Variants in PTPRD observed in about 807,000 individuals in gnomAD.
PTPRD encodes protein tyrosine phosphatase receptor type D, also known as receptor-type tyrosine-protein phosphatase delta.
Under a neutral mutation model 214.5 loss-of-function variants are expected in PTPRD, and 34 were observed. The observed-to-expected ratio is 0.16, with a 90% CI of 0.12 to 0.21. The LOEUF (loss-of-function observed/expected upper bound fraction) is 0.21. PTPRD is among the 10% of genes least tolerant of loss of function. The pLI is 1.00. For missense variants in PTPRD, 2,545 were observed against 2,398.7 expected (o/e 1.06, Z -1.27); for synonymous variants, 1,128 against 845.7 (o/e 1.33, Z -5.79).
rs1358053313 is a variant in PTPRD at position 10,024,976 on chromosome 9, A to C, written c.-472+8742T>G. Reference sequence around the variant, plus strand: ...GACATGAACTCATCATTTTTTATGGATGCATAGTATTCCATGGTGTATATG... The same window carrying C: ...GACATGAACTCATCATTTTTTATGGCTGCATAGTATTCCATGGTGTATATG... On this transcript the variant is annotated intron_variant, in intron 4 of 45. Transcript: ENST00000381196. Among the ~76,000 whole-genome samples, 21 of 151,590 alleles carry C rather than the reference A, an allele frequency of 1.4e-4. No homozygotes were observed. The East Asian group carries it at 1.6e-3, about 11-fold the overall frequency.
chr9:9,878,030 G>A (rs1187774150), intron 5 of PTPRD, among the ~76,000 whole-genome samples: 1 of 149,232 alleles, frequency 6.7e-6, no homozygotes, highest in Non-Finnish European at 1.5e-5. Flanking sequence ...TCCATCGGTT[G>A]CCCCTCTAAA....
intron 14 of PTPRD, among the ~76,000 whole-genome samples, chr9:8,569,510 C>A (rs1295116823): frequency 1.3e-5 from 2 of 152,082 alleles, no homozygotes; most frequent in African/African-American, 2.4e-5. Flanking sequence ...AAAAATTGGG[C>A]CTTCCAATTA....
chr9:8,887,912 A>T (rs1171519383), intron 11 of PTPRD, among the ~76,000 whole-genome samples: 1 of 152,144 alleles, frequency 6.6e-6, no homozygotes, highest in Non-Finnish European at 1.5e-5. Context: ...ACTGGAACTT[A>T]CAGGAAGAAC....
chr9:8,423,788 T>G (rs1439014019), intron 35 of PTPRD, among the ~76,000 whole-genome samples: 4 of 152,046 alleles, frequency 2.6e-5, no homozygotes, highest in African/African-American at 9.7e-5. Context: ...TAAGGCTGAG[T>G]CTTTACACCT....
chr9:9,722,318 A>C (rs2097967291), intron 7 of PTPRD, among the ~76,000 whole-genome samples: 2 of 152,178 alleles, frequency 1.3e-5, no homozygotes, highest in South Asian at 4.2e-4. Context: ...ATAATAATAA[A>C]ATATGTGGTC....
At chr9:9,967,032 G>A (rs1425477125) in intron 4 of PTPRD, among the ~76,000 whole-genome samples, 4 of 152,120 alleles carry the variant, frequency 2.6e-5, no homozygotes, top group Admixed American at 6.6e-5. Flanking sequence ...AGCAATGACA[G>A]GATCTGACCT....
chr9:9,039,367 A>G (rs2099632145), intron 10 of PTPRD, among the ~76,000 whole-genome samples: 1 of 152,166 alleles, frequency 6.6e-6, no homozygotes, highest in African/African-American at 2.4e-5. Flanking sequence ...CCATCTGCAG[A>G]TCTAATTCTG....
chr9:9,813,441 T>C (rs2047781258), intron 5 of PTPRD, among the ~76,000 whole-genome samples: 1 of 151,186 alleles, frequency 6.6e-6, no homozygotes, highest in East Asian at 2.0e-4. Flanking sequence ...AAAGAGAAGA[T>C]CTAAGAACTT....
chr9:8,736,553 A>G (rs2090448338), intron 11 of PTPRD, among the ~76,000 whole-genome samples: 1 of 152,236 alleles, frequency 6.6e-6, no homozygotes, highest in East Asian at 1.9e-4. Flanking sequence ...ATACCATAGT[A>G]TGTCATTTCT....
At chr9:8,844,763 G>T (rs957376572) in intron 11 of PTPRD, among the ~76,000 whole-genome samples, 1 of 152,158 alleles carries the variant, frequency 6.6e-6, no homozygotes, top group Non-Finnish European at 1.5e-5. Context: ...GAAATTACAT[G>T]AGCTCAATTA....
At chr9:9,384,358 T>G (rs1238376565) in intron 9 of PTPRD, among the ~76,000 whole-genome samples, 16 of 59,696 alleles carry the variant, frequency 2.7e-4, no homozygotes, top group African/African-American at 1.2e-3. Context: ...TTTTTTTTTT[T>G]TTTTTTTTTT....
intron 11 of PTPRD, among the ~76,000 whole-genome samples, chr9:8,745,362 G>A (rs2092675523): frequency 6.6e-6 from 1 of 152,120 alleles, no homozygotes; most frequent in Non-Finnish European, 1.5e-5. Flanking sequence ...ATTCCAAAGT[G>A]ATCAACATAA....
chr9:10,270,949 G>A (rs927921987), intron 3 of PTPRD, among the ~76,000 whole-genome samples: 1 of 151,904 alleles, frequency 6.6e-6, no homozygotes, highest in East Asian at 1.9e-4. Flanking sequence ...TCCTTCCTCA[G>A]CCTCCCAGGA....
intron 2 of PTPRD, among the ~76,000 whole-genome samples, chr9:10,355,784 A>G (rs2097266431): frequency 1.3e-5 from 2 of 152,032 alleles, no homozygotes; most frequent in Admixed American, 6.6e-5. Flanking sequence ...GGCCGCTGCT[A>G]TATTTCAATC....
At position 9,117,997 on chromosome 9, in the gene PTPRD, G is replaced by A. The variant is rs1435937961; in HGVS notation, c.-143+65307C>T. ...ATTACAACTATAAATTTAACTACAC[G>A]TTCTTAGACAGGGACATGCAAGTGA... On this transcript the variant is annotated intron_variant, in intron 10 of 45. Coordinates refer to ENST00000381196, the MANE Select transcript of PTPRD (RefSeq NM_002839.4). Among the ~76,000 whole-genome samples the A allele has an allele frequency of 2.6e-5, 4 of 152,142 alleles. No homozygotes were observed. The South Asian group carries it at 6.2e-4, about 24-fold the overall frequency.
intron 2 of PTPRD, among the ~76,000 whole-genome samples, chr9:10,468,415 C>T (rs2099008506): frequency 1.3e-5 from 2 of 152,080 alleles, no homozygotes; most frequent in South Asian, 2.1e-4. Context: ...AAACCAAACA[C>T]CATATGTTCT....
intron 8 of PTPRD, chr9:9,441,949 A>G (rs1432665147): frequency 6.6e-6 from 1 of 152,250 alleles, no homozygotes; most frequent in African/African-American, 2.4e-5. Flanking sequence ...TACTATTCCC[A>G]AAATAAGTAA....
At chr9:9,531,174 A>G (rs1334019424) in intron 8 of PTPRD, among the ~76,000 whole-genome samples, 1 of 152,122 alleles carries the variant, frequency 6.6e-6, no homozygotes, top group African/African-American at 2.4e-5. Context: ...TAAATTACAT[A>G]TCAATTTTAA....
chr9:10,113,638 C>A (rs1362514897), intron 3 of PTPRD, among the ~76,000 whole-genome samples: 1 of 152,170 alleles, frequency 6.6e-6, no homozygotes, highest in Non-Finnish European at 1.5e-5. Context: ...AGCAAAGCGA[C>A]TGTTTACAAG....
Sources: allele counts gnomAD v4.1 joint callset (sites outside exome capture counted in the v4.1 genomes callset), GRCh38; gene constraint gnomAD v4.1.1; transcripts MANE v1.5; gene names NCBI Gene and HGNC (gene_info 2026-07-23, HGNC 2026-07-21).